The following MECOM variants were observed in gnomAD, a reference collection of about 807,000 sequenced individuals.
MECOM encodes MDS1 and EVI1 complex locus.
A neutral mutation model predicts 116.3 loss-of-function variants in MECOM; 13 were observed. The observed-to-expected ratio is 0.11, with a 90% CI of 0.07 to 0.18. MECOM has a LOEUF of 0.18. Among genes scored for constraint, MECOM ranks in the 10% least tolerant of loss-of-function variants. MECOM has a pLI of 1.00. For synonymous variants in MECOM, 528 were observed against 535.2 expected, an observed-to-expected ratio of 0.99 and a Z score of 0.19; for missense variants, 1,299 against 1,509.0, an observed-to-expected ratio of 0.86 and a Z score of 2.31.
At chr3:169,572,303 A>G (rs1223486254) in intron 1 of MECOM, among the ~76,000 whole-genome samples, 1 of 152,244 alleles carries the variant, frequency 6.6e-6, no homozygotes, top group Non-Finnish European at 1.5e-5. Context: ...ACCATCTCAT[A>G]CCAGTTAGAA....
chr3:169,650,929 G>T (rs1305582410), intron 1 of MECOM, among the ~76,000 whole-genome samples: 1 of 152,030 alleles, frequency 6.6e-6, no homozygotes, highest in Non-Finnish European at 1.5e-5. Context: ...TAAAAAGAAT[G>T]GTTTAGATTG....
intron 16 of MECOM, chr3:169,086,608 G>C: frequency 1.4e-6 from 1 of 699,674 alleles, no homozygotes; most frequent in South Asian, 1.5e-5. Context: ...GCCTCCAAGA[G>C]TTGTGGAGGA....
intron 2 of MECOM, among the ~76,000 whole-genome samples, chr3:169,262,888 C>G (rs1757729721): frequency 6.6e-6 from 1 of 151,256 alleles, no homozygotes; most frequent in South Asian, 2.1e-4. Context: ...TTAAAGATGC[C>G]CCAGGCTGCT....
At chr3:169,112,257 C>T (rs1397581785) in intron 9 of MECOM, among the ~76,000 whole-genome samples, 1 of 152,142 alleles carries the variant, frequency 6.6e-6, no homozygotes, top group Non-Finnish European at 1.5e-5. Flanking sequence ...CAATTCTATT[C>T]TGCAAATAGC....
intron 1 of MECOM, among the ~76,000 whole-genome samples, chr3:169,416,203 A>G (rs376397082): frequency 6.6e-6 from 1 of 152,212 alleles, no homozygotes; most frequent in Non-Finnish European, 1.5e-5. Context: ...ATCAAATTAG[A>G]ACTCAGGATT....
chr3:169,188,885 A>G (rs1747122645), intron 2 of MECOM, among the ~76,000 whole-genome samples: 2 of 152,122 alleles, frequency 1.3e-5, no homozygotes, highest in Admixed American at 1.3e-4. Flanking sequence ...TCAAAACATT[A>G]TGTTACAAAG....
Position 169,107,940 on chromosome 3 carries a change from C to T in MECOM, c.2590G>A (p.Asp864Asn), listed in dbSNP as rs75041628. The change falls in exon 10 of 17, where the codon GAT (aspartate) becomes AAT (asparagine). Residue 864 changes from aspartate to asparagine, a missense_variant. By Grantham distance (23) the Asp-to-Asn change is conservative (BLOSUM62 1). This residue lies in a region of MECOM where 340 missense variants were observed against 312.6 expected (regional missense o/e 1.09). Transcript: ENST00000651503. ...AGGAAACTTACCCAAGTTCTCTGAT[C>T]AGGCAGTTGGAACTGGGAGCAAAAT... Reference protein sequence around the residue: ...FLFHPQFQLPDQRTWMSAIEN... With the variant: ...FLFHPQFQLPNQRTWMSAIEN... 1.4e-4 allele frequency: 230 copies of T among 1,612,750 alleles called. No individual in the cohort carries two copies. The African/African-American group carries it at 2.0e-3, about 14-fold the overall frequency.
At chr3:169,118,393 C>A (rs535996827) in intron 7 of MECOM, among the ~76,000 whole-genome samples, 1 of 151,974 alleles carries the variant, frequency 6.6e-6, no homozygotes, top group Non-Finnish European at 1.5e-5. Flanking sequence ...CAGAATATAT[C>A]GACCAGAGTC....
At chr3:169,382,879 A>AAAAAAAAGAAG (rs1358767356) in intron 1 of MECOM, among the ~76,000 whole-genome samples, 6 of 138,558 alleles carry the variant, frequency 4.3e-5, no homozygotes, top group East Asian at 4.8e-4. Flanking sequence ...AAAAATAAAA[A>AAAAAAAAGAAG]AAGAAGGTAA....
rs942368270 is a variant in MECOM at position 169,194,235 on chromosome 3, G to A, written c.376-50403C>T. On this transcript the variant is annotated intron_variant, in intron 2 of 16. Coordinates refer to ENST00000651503, the MANE Select transcript of MECOM (RefSeq NM_004991.4). ...AAAAAATGCTTGTTTGTCACTGCAT[G>A]TTCTCACTCATAGGTGGGAATTGAA... Among the ~76,000 whole-genome samples the A allele has an allele frequency of 5.3e-5, 8 of 152,098 alleles. 1 individual carries two copies. The highest frequency in any genetic ancestry group is 1.9e-4 in the African/African-American group (8 of 41,534).
intron 2 of MECOM, among the ~76,000 whole-genome samples, chr3:169,365,949 A>G (rs915014846): frequency 2.0e-5 from 3 of 152,030 alleles, no homozygotes; most frequent in African/African-American, 7.2e-5. Context: ...TTTAGATATC[A>G]TGACCTAGCC....
At chr3:169,145,286 T>A in intron 2 of MECOM, 1 of 409,130 alleles carries the variant, frequency 2.4e-6, no homozygotes, top group East Asian at 3.7e-5. Context: ...GAGGACAAAT[T>A]CTAAAAATTT....
chr3:169,461,741 G>A (rs986538950), intron 1 of MECOM, among the ~76,000 whole-genome samples: 4 of 152,172 alleles, frequency 2.6e-5, no homozygotes, highest in African/African-American at 7.2e-5. Flanking sequence ...AAAAGTAGCA[G>A]TAGCAAAACA....
chr3:169,398,068 T>G (rs78516732), intron 1 of MECOM, among the ~76,000 whole-genome samples: 1 of 152,118 alleles, frequency 6.6e-6, no homozygotes, highest in South Asian at 2.1e-4. Context: ...GGGATGAGCT[T>G]TGATAAATGA....
At chr3:169,483,743 G>T (rs1378478829) in intron 1 of MECOM, 4 of 1,595,092 alleles carry the variant, frequency 2.5e-6, no homozygotes, top group Non-Finnish European at 3.4e-6. Context: ...TCTCTTTGCT[G>T]TTAGCAACTA....
chr3:169,542,336 AAG>A (rs200961039), intron 1 of MECOM, among the ~76,000 whole-genome samples: 7,477 of 151,884 alleles, frequency 0.049, 382 homozygotes, highest in East Asian at 0.31. Context: ...AAAAAAAAAA[AAG>A]AACAGACTTA....
At chr3:169,512,418 G>A (rs1756088849) in intron 1 of MECOM, among the ~76,000 whole-genome samples, 1 of 152,148 alleles carries the variant, frequency 6.6e-6, no homozygotes, top group African/African-American at 2.4e-5. Context: ...TCTGTGAGAG[G>A]CATCTATAGC....
At chr3:169,622,015 C>A (rs1015397736) in intron 1 of MECOM, among the ~76,000 whole-genome samples, 1 of 152,180 alleles carries the variant, frequency 6.6e-6, no homozygotes, top group African/African-American at 2.4e-5. Flanking sequence ...AGATGATAAT[C>A]TGTATTTTAA....
At chr3:169,248,585 C>T (rs1483322731) in intron 2 of MECOM, among the ~76,000 whole-genome samples, 4 of 152,066 alleles carry the variant, frequency 2.6e-5, no homozygotes, top group Non-Finnish European at 5.9e-5. Flanking sequence ...TGTTATGGTA[C>T]CCAAGATTAT....
Sources: gnomAD v4.1 joint callset for allele counts (sites outside exome capture counted in the v4.1 genomes callset) on GRCh38, gnomAD v4.1.1 for gene constraint, gnomAD v4.1.1 regional missense constraint, MANE v1.5 for transcripts, NCBI Gene and HGNC (gene_info 2026-07-23, HGNC 2026-07-21) for gene names.